The following COMMD1 variants were observed in gnomAD, a reference collection of about 807,000 sequenced individuals.
COMMD1 encodes COMM domain-containing protein 1.
Under a neutral mutation model 17.2 loss-of-function variants are expected in COMMD1, and 10 were observed. That is an observed-to-expected ratio of 0.58 (90% confidence interval 0.36 to 0.99). The LOEUF (loss-of-function observed/expected upper bound fraction) is 0.99. Among genes scored for constraint, COMMD1 ranks in the 50% least tolerant of loss-of-function variants. The pLI, the probability that COMMD1 is intolerant of heterozygous loss-of-function variation, is 0.01. For missense variants in COMMD1, 270 were observed against 231.8 expected, an observed-to-expected ratio of 1.17 and a Z score of -1.07; for synonymous variants, 97 against 91.6, an observed-to-expected ratio of 1.06 and a Z score of -0.34.
intron 2 of COMMD1, among the ~76,000 whole-genome samples, chr2:62,058,783 T>C (rs1670779030): frequency 6.6e-6 from 1 of 152,044 alleles, no homozygotes; most frequent in South Asian, 2.1e-4. Flanking sequence ...ATTTTCTTTC[T>C]TTCTGTTTTT....
At chr2:61,913,795 CCAAAAAA>C (rs1572955916) in intron 1 of COMMD1, among the ~76,000 whole-genome samples, 5 of 6,246 alleles carry the variant, frequency 8.0e-4, no homozygotes, top group East Asian at 9.4e-3. Context: ...GACTCCATCT[CCAAAAAA>C]AAAAAAAAAA....
intron 1 of COMMD1, among the ~76,000 whole-genome samples, chr2:61,997,716 G>C (rs1668804405): frequency 6.6e-6 from 1 of 152,112 alleles, no homozygotes; most frequent in Non-Finnish European, 1.5e-5. Flanking sequence ...AAGGGCCCTA[G>C]AGTTTTCTGA....
rs550010321 is a variant in COMMD1 at position 62,096,377 on chromosome 2, A to G, written c.463-39454A>G. 1.3e-4 allele frequency among the ~76,000 whole-genome samples: 20 copies of G among 152,360 alleles called. No homozygotes were observed. The South Asian group carries it at 3.1e-3, about 24-fold the overall frequency. ...CATTTTAGAATGAACAGCTTTCACC[A>G]ACAAGTCACCATGTTTTTGAGTTAA... On this transcript the variant is annotated intron_variant, in intron 2 of 2. Coordinates refer to ENST00000311832, the MANE Select transcript of COMMD1 (RefSeq NM_152516.4).
chr2:62,055,990 T>G (rs1017625192), intron 2 of COMMD1, among the ~76,000 whole-genome samples: 3 of 152,222 alleles, frequency 2.0e-5, no homozygotes, highest in Admixed American at 1.3e-4. Flanking sequence ...GCACTTTTGT[T>G]GCCAACCAAC....
At chr2:61,967,464 G>A (rs939932957) in intron 1 of COMMD1, among the ~76,000 whole-genome samples, 11 of 152,258 alleles carry the variant, frequency 7.2e-5, no homozygotes, top group Admixed American at 7.2e-4. Flanking sequence ...CATTGCTCTA[G>A]ATTTTCTAGC....
At chr2:61,924,927 G>A (rs1311219639) in intron 1 of COMMD1, among the ~76,000 whole-genome samples, 1 of 152,162 alleles carries the variant, frequency 6.6e-6, no homozygotes, top group Admixed American at 6.5e-5. Flanking sequence ...GCTGTATCAG[G>A]CGTCCCTGAA....
intron 1 of COMMD1, among the ~76,000 whole-genome samples, chr2:61,933,052 G>A (rs907930020): frequency 6.6e-6 from 1 of 152,096 alleles, no homozygotes; most frequent in African/African-American, 2.4e-5. Flanking sequence ...AATGGAAGTG[G>A]CTCTCAGTGG....
intron 2 of COMMD1, among the ~76,000 whole-genome samples, chr2:62,125,361 TTTTAATTTAA>T (rs1672858891): frequency 1.3e-5 from 2 of 152,206 alleles, no homozygotes; most frequent in Admixed American, 6.5e-5. Context: ...GGGTGAGTCA[TTTTAATTTAA>T]TTGCTCAGTA....
At chr2:61,955,898 G>C (rs1671186760) in intron 1 of COMMD1, among the ~76,000 whole-genome samples, 1 of 152,148 alleles carries the variant, frequency 6.6e-6, no homozygotes, top group African/African-American at 2.4e-5. Context: ...TGTTAGCCAG[G>C]CTGGTCTTGA....
At chr2:62,102,904 G>T (rs1157055212) in intron 2 of COMMD1, among the ~76,000 whole-genome samples, 2 of 152,038 alleles carry the variant, frequency 1.3e-5, no homozygotes, top group Non-Finnish European at 2.9e-5. Flanking sequence ...GCCTTGCTGG[G>T]TTTCTCCACT....
intron 2 of COMMD1, among the ~76,000 whole-genome samples, chr2:62,097,099 A>G (rs1672033873): frequency 6.6e-6 from 1 of 152,208 alleles, no homozygotes; most frequent in South Asian, 2.1e-4. Context: ...TGGCAGTGAT[A>G]GGAATATTGG....
At chr2:62,021,991 C>T (rs920068089) in intron 2 of COMMD1, among the ~76,000 whole-genome samples, 25 of 30,692 alleles carry the variant, frequency 8.1e-4, no homozygotes, top group Non-Finnish European at 1.2e-3. Context: ...TTTTTATAAA[C>T]TCCTATTTTT....
At chr2:61,945,634 C>T (rs1251207098) in intron 1 of COMMD1, among the ~76,000 whole-genome samples, 7 of 152,202 alleles carry the variant, frequency 4.6e-5, no homozygotes, top group Admixed American at 2.6e-4. Flanking sequence ...AGCCTCAGGA[C>T]GTCCTGATGA....
chr2:61,967,823 T>C (rs1280974186), intron 1 of COMMD1, among the ~76,000 whole-genome samples: 6 of 152,230 alleles, frequency 3.9e-5, no homozygotes, highest in Non-Finnish European at 7.3e-5. Flanking sequence ...GAGAACTGGC[T>C]CTCATCACTG....
chr2:61,922,981 A>G (rs1210858821), intron 1 of COMMD1, among the ~76,000 whole-genome samples: 3 of 152,184 alleles, frequency 2.0e-5, no homozygotes, highest in Non-Finnish European at 2.9e-5. Flanking sequence ...TATAATCCTG[A>G]TGTAATATTC....
chr2:62,037,054 A>G (rs530844184), intron 2 of COMMD1, among the ~76,000 whole-genome samples: 5 of 152,342 alleles, frequency 3.3e-5, no homozygotes, highest in African/African-American at 1.2e-4. Flanking sequence ...ATGTCAGTCC[A>G]TCAACAGTGT....
At chr2:61,997,564 G>A (rs369546824) in intron 1 of COMMD1, among the ~76,000 whole-genome samples, 5 of 152,250 alleles carry the variant, frequency 3.3e-5, no homozygotes, top group East Asian at 1.9e-4. Context: ...GTAGTTTTAC[G>A]TAAAATATTA....
chr2:61,900,719 AT>A (rs1669638925), upstream of COMMD1, among the ~76,000 whole-genome samples: 1 of 152,034 alleles, frequency 6.6e-6, no homozygotes, highest in Non-Finnish European at 1.5e-5. Context: ...TTAGGATTTT[AT>A]TTTTAGTTTA....
intron 2 of COMMD1, among the ~76,000 whole-genome samples, chr2:62,058,331 A>G (rs749248540): frequency 6.6e-6 from 1 of 152,196 alleles, no homozygotes; most frequent in Non-Finnish European, 1.5e-5. Flanking sequence ...GTTCACAATC[A>G]TAGTTAGAGA....
Sources: allele counts gnomAD v4.1 joint callset (sites outside exome capture counted in the v4.1 genomes callset), GRCh38; gene constraint gnomAD v4.1.1; transcripts MANE v1.5; gene names NCBI Gene and HGNC (gene_info 2026-07-23, HGNC 2026-07-21).